TRIM21: variants seen among roughly 807,000 people sequenced by gnomAD.
TRIM21 encodes E3 ubiquitin-protein ligase TRIM21.
A neutral mutation model predicts 36.1 loss-of-function variants in TRIM21; 35 were observed. The ratio of observed to expected loss-of-function variants is 0.97; its 90% CI spans 0.74 to 1.28. The LOEUF is 1.28. Ranked by LOEUF, TRIM21 falls within the 50% of genes most tolerant of loss-of-function variation. The pLI, the probability that TRIM21 is intolerant of heterozygous loss-of-function variation, is 0.00. For missense variants in TRIM21, 635 were observed against 570.7 expected (o/e 1.11, Z -1.15); for synonymous variants, 256 against 211.5 (o/e 1.21, Z -1.83).
chr11:4,386,900 A>G (rs1393400365), intron 5 of TRIM21, 68 bp downstream of exon 5: 16 of 1,502,774 alleles, frequency 1.1e-5, no homozygotes, highest in South Asian at 4.9e-5. Flanking sequence ...TTCTAATTCA[A>G]TCACCTTTGT....
chr11:4,388,559 G>T lies in TRIM21; in HGVS notation c.505-29C>A, dbSNP rs373243234. The T allele has an allele frequency of 1.9e-6, 3 of 1,594,820 alleles. No homozygotes were observed. In the Admixed American group the frequency reaches 5.0e-5, roughly 27 times the overall value. On this transcript the variant is annotated intron_variant, in intron 3 of 6. Coordinates refer to ENST00000254436, the MANE Select transcript of TRIM21 (RefSeq NM_003141.4). ...TAGTGTCAAGGGAAAGGGAGAGGTG[G>T]TTTTTATGAAAATCTCCCAAGCTTT...
intron 5 of TRIM21, 143 bp from the exon 6 acceptor site, chr11:4,386,400 T>C (rs967747797): frequency 2.7e-6 from 2 of 744,034 alleles, no homozygotes. Flanking sequence ...CAGGAGTGGG[T>C]GTGAGAGGCA....
Position 4,385,669 on chromosome 11 carries a change from C to G in TRIM21, c.1044G>C (p.Val348=), listed in dbSNP as rs748278580. 1.9e-6 allele frequency: 3 copies of G among 1,613,288 alleles called. No homozygotes were observed. In the South Asian group the frequency reaches 3.3e-5, roughly 18 times the overall value. ...HSGKHYWEVD[V]TGKEAWDLGV... is the part of the protein sequence containing the mutation. ...CCAGGTCCCAGGCCTCCTTTCCTGT[C>G]ACATCTACCTCCCAGTAATGTTTTC... Residue 348 remains valine (V), a synonymous_variant, in exon 7 of 7, where the codon GTG becomes GTC. Coordinates refer to ENST00000254436, the MANE Select transcript of TRIM21 (RefSeq NM_003141.4).
At chr11:4,393,183 G>A (rs559124468) in intron 1 of TRIM21, among the ~76,000 whole-genome samples, 1 of 152,250 alleles carries the variant, frequency 6.6e-6, no homozygotes, top group South Asian at 2.1e-4. Flanking sequence ...TCTCACCTCT[G>A]GAGGACTTTT....
In TRIM21 at chr11:4,385,402, G is replaced by A; in HGVS notation, c.1311C>T (p.Ala437=). ...AGAAGGGCCGCAGAGGTCCTGTAAA[G>A]GCACATTCAGAGAAGGAGTAGATGA... ...GSLIYSFSEC[A]FTGPLRPFFS... is the part of the protein sequence containing the mutation. Residue 437 remains alanine, a synonymous_variant, in exon 7 of 7, where the codon GCC becomes GCT. Transcript: ENST00000254436. 1 of 1,613,838 alleles carries A rather than the reference G, an allele frequency of 6.2e-7. No homozygotes were observed. Among genetic ancestry groups the A allele is most frequent in the Non-Finnish European group, 8.5e-7 (1 of 1,179,840 alleles).
At position 4,386,204 on chromosome 11, in the gene TRIM21, C is replaced by G; in HGVS notation, c.812G>C (p.Ser271Thr). ...DLDITSPELR[S>T]VCHVPGLKKM... ...CTTCAGCCCTGGCACATGGCACACA[C>G]TCCTGAGTTCTGGAGAGGTAATATC... The change falls in exon 6 of 7, where the codon AGT becomes ACT. Residue 271 changes from serine (S) to threonine (T), a missense_variant. By Grantham distance (58) the Ser-to-Thr change is moderately conservative. Coordinates refer to ENST00000254436, the MANE Select transcript of TRIM21 (RefSeq NM_003141.4). The G allele has an allele frequency of 6.2e-7, 1 of 1,613,892 alleles. No individual in the cohort carries two copies. The highest frequency in any genetic ancestry group is 8.5e-7 in the Non-Finnish European group (1 of 1,179,892).
chr11:4,387,057 G>A (rs910618213), intron 4 of TRIM21, 67 bp from the exon 5 acceptor site: 13 of 1,513,864 alleles, frequency 8.6e-6, no homozygotes, highest in Middle Eastern at 3.4e-4. Context: ...TCAGCCCTGT[G>A]GGTGATGTGA....
At chr11:4,389,506 C>A (rs1209762890) in intron 3 of TRIM21, 148 bp downstream of exon 3, 2 of 690,802 alleles carry the variant, frequency 2.9e-6, no homozygotes, top group African/African-American at 3.5e-5. Context: ...TATTTGTAAA[C>A]CTAGAGAGCA....
At position 4,385,854 on chromosome 11, in the gene TRIM21, C is replaced by T. The variant is rs373606284; in HGVS notation, c.860-1G>A. On this transcript the variant is annotated splice_acceptor_variant, in intron 6 of 6. Transcript: ENST00000254436. LOFTEE classifies it high-confidence loss of function. ...GTGTCTGGATCCAGAGTGATGTGGA[C>T]TGCAGAGAGAGGACCACAGTCAGGC... 175 of 1,604,058 alleles carry T rather than the reference C, an allele frequency of 1.1e-4. No homozygotes were observed. The highest frequency in any genetic ancestry group is 1.5e-4 in the Non-Finnish European group (173 of 1,174,888).
Position 4,386,268 on chromosome 11 carries a change from G to A in TRIM21, c.759-11C>T. ...TTCCAGGACTCACTCCTGGGGGAAAGAGAGTTTGAGACTCCTGTCTCCTAC... is the reference window on the plus strand; with the variant it reads ...TTCCAGGACTCACTCCTGGGGGAAAAAGAGTTTGAGACTCCTGTCTCCTAC... On this transcript the variant is annotated splice_polypyrimidine_tract_variant and intron_variant, in intron 5 of 6. Transcript: ENST00000254436. The A allele has an allele frequency of 6.2e-7, 1 of 1,607,998 alleles. No homozygotes were observed. The highest frequency in any genetic ancestry group is 8.5e-7 in the Non-Finnish European group (1 of 1,174,708).
chr11:4,389,981 C>T lies in TRIM21; in HGVS notation c.408+21G>A, dbSNP rs771477578. 11 of 1,609,834 alleles carry T rather than the reference C, an allele frequency of 6.8e-6. No individual in the cohort carries two copies. The East Asian group carries it at 2.5e-4, about 36-fold the overall frequency. On this transcript the variant is annotated intron_variant, in intron 2 of 6. Transcript: ENST00000254436. ...CCTGCTCTGAAAACGAAGCACTCAC[C>T]AGGTGTCTCTTAGGCCTCACCTGGT... is the stretch of plus-strand genomic sequence containing the variant.
chr11:4,385,866 G>T lies in TRIM21; in HGVS notation c.860-13C>A. Reference sequence around the variant, plus strand: ...AGAGTGATGTGGACTGCAGAGAGAGGACCACAGTCAGGCCTTGCATGGGGG... The same window carrying T: ...AGAGTGATGTGGACTGCAGAGAGAGTACCACAGTCAGGCCTTGCATGGGGG... On this transcript the variant is annotated splice_polypyrimidine_tract_variant and intron_variant, in intron 6 of 6. Coordinates refer to ENST00000254436, the MANE Select transcript of TRIM21 (RefSeq NM_003141.4). 6.3e-7 allele frequency: 1 copy of T among 1,594,224 alleles called. No homozygotes were observed. Among genetic ancestry groups the T allele is most frequent in the South Asian group, 1.1e-5 (1 of 87,440 alleles).
chr11:4,392,544 G>A (rs1032201163), intron 1 of TRIM21, among the ~76,000 whole-genome samples: 3 of 114,506 alleles, frequency 2.6e-5, no homozygotes, highest in Non-Finnish European at 5.7e-5. Flanking sequence ...TCCAGCCTGG[G>A]TGACACGGCG....
At chr11:4,386,916 G>A (rs2094956840) in intron 5 of TRIM21, 52 bp downstream of exon 5, 7 of 1,545,922 alleles carry the variant, frequency 4.5e-6, no homozygotes, top group Admixed American at 1.9e-5. Flanking sequence ...TTTGTCATAG[G>A]CATATATGCT....
At chr11:4,386,937 C>T (rs1488876762) in intron 5 of TRIM21, 31 bp downstream of exon 5, 4 of 1,574,800 alleles carry the variant, frequency 2.5e-6, no homozygotes, top group Non-Finnish European at 3.5e-6. Context: ...TTCTGCTGGC[C>T]CCTCTTCTAA....
intron 4 of TRIM21, 50 bp downstream of exon 4, chr11:4,388,250 C>A: frequency 6.6e-7 from 1 of 1,517,708 alleles, no homozygotes; most frequent in Non-Finnish European, 9.0e-7. Flanking sequence ...TAGCTCTGGT[C>A]TTTTTCAGTT....
intron 1 of TRIM21, among the ~76,000 whole-genome samples, chr11:4,392,003 G>A (rs1016252785): frequency 5.9e-5 from 9 of 152,060 alleles, no homozygotes; most frequent in African/African-American, 1.7e-4. Flanking sequence ...GAGTGAATTA[G>A]ATCTAGTATT....
chr11:4,386,297 T>C, intron 5 of TRIM21, 40 bp from the exon 6 acceptor site: 1 of 1,515,480 alleles, frequency 6.6e-7, no homozygotes, highest in Non-Finnish European at 9.2e-7. Context: ...CTCCTACTCC[T>C]ATCCCAAACC....
intron 5 of TRIM21, among the ~76,000 whole-genome samples, chr11:4,386,570 G>T (rs2133050745): frequency 6.6e-6 from 1 of 152,282 alleles, no homozygotes; most frequent in South Asian, 2.1e-4. Flanking sequence ...AATCACTTCT[G>T]CAAGGAACCT....
Sources: allele counts gnomAD v4.1 joint callset (sites outside exome capture counted in the v4.1 genomes callset), GRCh38; gene constraint gnomAD v4.1.1; transcripts MANE v1.5; gene names NCBI Gene and HGNC (gene_info 2026-07-23, HGNC 2026-07-21).